Variants in PSMD13 observed in about 807,000 individuals in gnomAD.
The protein encoded by PSMD13 is 26S proteasome non-ATPase regulatory subunit 13.
In PSMD13, 8 loss-of-function variants were observed where a neutral mutation model predicts 57.4. The ratio of observed to expected loss-of-function variants is 0.14; its 90% CI spans 0.08 to 0.25. PSMD13 has a LOEUF of 0.25. Ranked by LOEUF, PSMD13 falls within the 10% of genes least tolerant of loss-of-function variation. The pLI is 1.00. For missense variants in PSMD13, 400 were observed against 461.5 expected (o/e 0.87, Z 1.22); for synonymous variants, 193 against 168.2 (o/e 1.15, Z -1.14).
intron 1 of PSMD13, 69 bp from the exon 2 acceptor site, chr11:238,929 A>C: frequency 1.5e-6 from 2 of 1,370,356 alleles, no homozygotes; most frequent in South Asian, 2.3e-5. Context: ...ACTTGATAGA[A>C]TCATCAAGGC....
chr11:244,283 C>A, intron 4 of PSMD13, 67 bp downstream of exon 4: 1 of 1,590,154 alleles, frequency 6.3e-7, no homozygotes, highest in Non-Finnish European at 8.5e-7. Context: ...TATAAGTTAA[C>A]TGAACTTTTG....
At chr11:242,027 C>G (rs1475219344) in intron 2 of PSMD13, among the ~76,000 whole-genome samples, 3 of 152,038 alleles carry the variant, frequency 2.0e-5, no homozygotes, top group Non-Finnish European at 2.9e-5. Flanking sequence ...CCTCCCACAC[C>G]AAATGGCCAC....
chr11:242,513 C>T (rs1347874233), intron 2 of PSMD13, among the ~76,000 whole-genome samples: 1 of 151,848 alleles, frequency 6.6e-6, no homozygotes, highest in Non-Finnish European at 1.5e-5. Flanking sequence ...ACTTATTGTA[C>T]AGTCCATTGT....
rs908298038 is a variant in PSMD13 at position 244,453 on chromosome 11, A to G, written c.293A>G (p.Glu98Gly). Reference sequence around the variant, plus strand: ...CCTAATGTGGCTCTTACTTTTCTGGAAAAGACTCGTGAGAAGGTAAATGTG... The same window carrying G: ...CCTAATGTGGCTCTTACTTTTCTGGGAAAGACTCGTGAGAAGGTAAATGTG... ...TDPNVALTFL[E>G]KTREKVKSSD... Residue 98 changes from glutamate (E) to glycine (G), a missense_variant, in exon 5 of 13, where the codon GAA becomes GGA. Transcript: ENST00000532097. 2 of 1,609,378 alleles carry G rather than the reference A, an allele frequency of 1.2e-6. No individual in the cohort carries two copies. Among genetic ancestry groups the G allele is most frequent in the Non-Finnish European group, 1.7e-6 (2 of 1,176,698 alleles).
intron 6 of PSMD13, 63 bp downstream of exon 6, chr11:244,824 A>T: frequency 7.6e-7 from 1 of 1,321,136 alleles, no homozygotes; most frequent in Non-Finnish European, 1.0e-6. Context: ...TAGGAAAAAA[A>T]ATAACCTATT....
At position 248,805 on chromosome 11, in the gene PSMD13, C is replaced by G; in HGVS notation, c.598C>G (p.Leu200Val). The change falls in exon 8 of 13, where the codon CTG becomes GTG. Residue 200 changes from leucine (L) to valine (V), a missense_variant. By Grantham distance (32) the Leu-to-Val change is conservative. Transcript: ENST00000532097. The stretch of plus-strand genomic sequence containing the variant: ...TGAGCAGCAGGAGAGAGCCTTCACG[C>G]TGGGGCTAGCAGGACTTCTCGGCGA... ...VSEQQERAFT[L>V]GLAGLLGEGV... is the part of the protein sequence containing the mutation. 6.2e-7 allele frequency: 1 copy of G among 1,614,218 alleles called. No homozygotes were observed. The highest frequency in any genetic ancestry group is 8.5e-7 in the Non-Finnish European group (1 of 1,180,026).
Position 251,753 on chromosome 11 carries a change from A to G in PSMD13, c.919-67A>G. The G allele has an allele frequency of 6.4e-7, 1 of 1,557,068 alleles. No homozygotes were observed. Among genetic ancestry groups the G allele is most frequent in the South Asian group, 1.1e-5 (1 of 89,200 alleles). On this transcript the variant is annotated intron_variant, in intron 11 of 12. Transcript: ENST00000532097. The surrounding 1 kb of genome is among the most constrained non-coding windows in gnomAD (Gnocchi z 4.6). ...GGGAGGAGCGGCATCTGCTTCTCAC[A>G]AGCCATCTGGGTCCATGGGGGTGTG...
Position 252,510 on chromosome 11 carries a change from G to A in PSMD13, c.1041G>A (p.Lys347=), listed in dbSNP as rs1163186076. The A allele has an allele frequency of 6.2e-7, 1 of 1,614,032 alleles. No individual in the cohort carries two copies. Among genetic ancestry groups the A allele is most frequent in the East Asian group, 2.2e-5 (1 of 44,878 alleles). ...TGTCCGGATTTCCATTTCAGATCAA[G>A]GGAATGAAGGACCGCCTGGAGTTCT... ...QPRVLDLQQI[K]GMKDRLEFWC... The change falls in exon 13 of 13, where the codon AAG becomes AAA. Residue 347 remains lysine, a synonymous_variant. Coordinates refer to ENST00000532097, the MANE Select transcript of PSMD13 (RefSeq NM_002817.4). This position sits in a 1 kb window ranked among gnomAD's most constrained non-coding sequence, Gnocchi z 4.1.
At chr11:249,104 C>A in intron 9 of PSMD13, 47 bp downstream of exon 9, 4 of 1,601,714 alleles carry the variant, frequency 2.5e-6, no homozygotes, top group Non-Finnish European at 3.4e-6. Context: ...TGTATCTACT[C>A]GCTCATACAA....
chr11:247,642 G>C, intron 7 of PSMD13, 194 bp downstream of exon 7: 1 of 496,282 alleles, frequency 2.0e-6, no homozygotes, highest in Non-Finnish European at 3.5e-6. Context: ...GACCAGCCTG[G>C]CCAACATGGT....
chr11:240,263 C>T (rs1049747159), intron 2 of PSMD13, among the ~76,000 whole-genome samples: 1 of 152,116 alleles, frequency 6.6e-6, no homozygotes, highest in East Asian at 1.9e-4. Flanking sequence ...GTGCCCACCA[C>T]CACAGCCAGC....
In PSMD13 at chr11:251,853, G is replaced by A; in HGVS notation, c.952G>A (p.Gly318Arg). 1 of 1,614,184 alleles carries A rather than the reference G, an allele frequency of 6.2e-7. No homozygotes were observed. Among genetic ancestry groups the A allele is most frequent in the East Asian group, 2.2e-5 (1 of 44,892 alleles). The change falls in exon 12 of 13, where the codon GGG (glycine) becomes AGG (arginine). Residue 318 changes from glycine to arginine, a missense_variant. Physicochemically the swap from Gly to Arg is moderately radical, Grantham distance 125 (BLOSUM62 -2). Coordinates refer to ENST00000532097, the MANE Select transcript of PSMD13 (RefSeq NM_002817.4). The surrounding 1 kb of genome is among the most constrained non-coding windows in gnomAD (Gnocchi z 4.6). ...ELLVMKALSV[G>R]LVKGSIDEVD... ...TCTGGTGATGAAGGCCCTTTCGGTG[G>A]GGCTGGTGAAAGGCAGTATAGACGA...
chr11:249,157 C>A (rs2133991589), intron 9 of PSMD13, 100 bp downstream of exon 9: 1 of 1,529,390 alleles, frequency 6.5e-7, no homozygotes, highest in Non-Finnish European at 8.9e-7. Context: ...CAGGAAAGAA[C>A]AGGGCAAAGA....
intron 2 of PSMD13, among the ~76,000 whole-genome samples, chr11:241,334 T>G (rs1398955590): frequency 6.6e-6 from 1 of 151,998 alleles, no homozygotes; most frequent in Non-Finnish European, 1.5e-5. Flanking sequence ...AGATGGCATT[T>G]CACCATGTTG....
In PSMD13 at chr11:251,615, A is replaced by T. The variant is rs1224011291; in HGVS notation, c.907A>T (p.Thr303Ser). The T allele has an allele frequency of 8.7e-6, 14 of 1,613,154 alleles. No individual in the cohort carries two copies. Among genetic ancestry groups the T allele is most frequent in the Non-Finnish European group, 9.3e-6 (11 of 1,179,178 alleles). The change falls in exon 11 of 13, where the codon ACA becomes TCA. Residue 303 changes from threonine (T) to serine (S), a missense_variant. Coordinates refer to ENST00000532097, the MANE Select transcript of PSMD13 (RefSeq NM_002817.4). The surrounding 1 kb of genome is among the most constrained non-coding windows in gnomAD (Gnocchi z 4.6). ...FEEIAKSAKI[T>S]VNEVELLVMK... ...AGAAATTGCCAAAAGTGCTAAAATC[A>T]CAGTGAATGAGGTACGGTCCCTAGG... is the stretch of plus-strand genomic sequence containing the variant.
At chr11:237,253 TG>T (rs1396492246) in intron 1 of PSMD13, 109 bp downstream of exon 1, 4 of 1,041,156 alleles carry the variant, frequency 3.8e-6, no homozygotes, top group East Asian at 5.3e-5. Flanking sequence ...AGACCCAAGT[TG>T]GGGGGAAACG....
chr11:244,910 A>C, intron 6 of PSMD13, 149 bp downstream of exon 6: 1 of 521,794 alleles, frequency 1.9e-6, no homozygotes, highest in Non-Finnish European at 3.3e-6. Context: ...GAACTACTAT[A>C]CCCCAACCTA....
rs145743654 is a variant in PSMD13, at chr11:251,605, T to C, written c.897T>C (p.Ser299=). Reference sequence around the variant, plus strand: ...TCACTTTTGAAGAAATTGCCAAAAGTGCTAAAATCACAGTGAATGAGGTAC... The same window carrying C: ...TCACTTTTGAAGAAATTGCCAAAAGCGCTAAAATCACAGTGAATGAGGTAC... ...RQLTFEEIAK[S]AKITVNEVEL... Residue 299 remains serine, a synonymous_variant, in exon 11 of 13, where the codon AGT becomes AGC. Transcript: ENST00000532097. The surrounding 1 kb of genome is among the most constrained non-coding windows in gnomAD (Gnocchi z 4.6). The C allele has an allele frequency of 5.6e-6, 9 of 1,613,840 alleles. No homozygotes were observed. In the African/African-American group the frequency reaches 1.1e-4, roughly 19 times the overall value.
intron 10 of PSMD13, 97 bp downstream of exon 10, chr11:250,962 T>C (rs1859755641): frequency 9.3e-7 from 1 of 1,077,510 alleles, no homozygotes. Flanking sequence ...AGTGTGAGCT[T>C]TCAGTGGTGC....
Sources: allele counts gnomAD v4.1 joint callset (sites outside exome capture counted in the v4.1 genomes callset), GRCh38; gene constraint gnomAD v4.1.1; non-coding constraint Gnocchi (gnomAD v3.1); transcripts MANE v1.5; gene names NCBI Gene and HGNC (gene_info 2026-07-23, HGNC 2026-07-21).